The following ITGAM variants were observed in gnomAD, a reference collection of about 807,000 sequenced individuals.
ITGAM encodes integrin subunit alpha M.
A neutral mutation model predicts 137.5 loss-of-function variants in ITGAM; 79 were observed. That is an observed-to-expected ratio of 0.57 (90% confidence interval 0.48 to 0.69). The LOEUF is 0.69. Ranked by LOEUF, ITGAM falls within the 30% of genes least tolerant of loss-of-function variation. The pLI is 0.00. For missense variants in ITGAM, 1,343 were observed against 1,483.5 expected (o/e 0.91, Z 1.56); for synonymous variants, 583 against 592.3 (o/e 0.98, Z 0.23).
Position 31,277,957 on chromosome 16 carries a change from C to T in ITGAM, c.1214-10C>T. The T allele has an allele frequency of 1.3e-6, 2 of 1,582,556 alleles. No individual in the cohort carries two copies. Among genetic ancestry groups the T allele is most frequent in the East Asian group, 4.6e-5 (2 of 43,088 alleles). ...GGAATGCACTTCACCTCTCAGACCC[C>T]CACCTTCAGGTTATGCTGCCGCCAT... On this transcript the variant is annotated splice_polypyrimidine_tract_variant and intron_variant, in intron 11 of 29. Coordinates refer to ENST00000544665, the MANE Select transcript of ITGAM (RefSeq NM_000632.4).
chr16:31,316,323 G>A (rs1430601094), intron 14 of ITGAM, among the ~76,000 whole-genome samples: 1 of 150,452 alleles, frequency 6.6e-6, no homozygotes, highest in East Asian at 2.0e-4. Flanking sequence ...GGAGGAAGAG[G>A]TTGCAGTGAG....
intron 14 of ITGAM, among the ~76,000 whole-genome samples, chr16:31,307,365 C>A (rs1466388480): frequency 6.6e-6 from 1 of 152,118 alleles, no homozygotes; most frequent in Non-Finnish European, 1.5e-5. Flanking sequence ...TCCTTCACAT[C>A]CCTTGTAAGT....
chr16:31,329,683 A>G lies in ITGAM; in HGVS notation c.2869-115A>G. The G allele has an allele frequency of 3.8e-6, 3 of 781,182 alleles. No individual in the cohort carries two copies. The Admixed American group carries it at 7.7e-5, about 20-fold the overall frequency. 48.4% of individuals were successfully genotyped at this position (781,182 alleles called of 1,614,324 possible). ...TTACATGTACACTCTACTCTCTCAA[A>G]CAGGAAGGGGCAGGACGCCCGGGCC... On this transcript the variant is annotated intron_variant, in intron 24 of 29. Transcript: ENST00000544665.
At chr16:31,279,854 G>C (rs1043391065) in intron 12 of ITGAM, among the ~76,000 whole-genome samples, 2 of 152,130 alleles carry the variant, frequency 1.3e-5, no homozygotes, top group East Asian at 3.8e-4. Flanking sequence ...TTTCCTTCTA[G>C]GGTTTTTATG....
chr16:31,301,478 A>G (rs1303868777), intron 14 of ITGAM, among the ~76,000 whole-genome samples: 1 of 152,178 alleles, frequency 6.6e-6, no homozygotes, highest in Non-Finnish European at 1.5e-5. Flanking sequence ...TTTGTCATTT[A>G]TATATATAAT....
intron 23 of ITGAM, 123 bp from the exon 24 acceptor site, chr16:31,329,105 A>AC (rs986310184): frequency 3.9e-4 from 35 of 90,198 alleles, no homozygotes; most frequent in Non-Finnish European, 7.2e-4. Flanking sequence ...CCCCATCTCC[A>AC]CCCCCCAGGA....
rs745364774 is a variant in ITGAM at position 31,270,122 on chromosome 16, C to CTCCT, written c.428-831_428-830insCCTT. Among the ~76,000 whole-genome samples, 3 of 144,188 alleles carry CTCCT rather than the reference C, an allele frequency of 2.1e-5. No individual in the cohort carries two copies. In the South Asian group the frequency reaches 6.7e-4, roughly 32 times the overall value. The allele number at this position is 144,188 out of a possible 152,430, so 94.6% of individuals were successfully genotyped here. On this transcript the variant is annotated intron_variant, in intron 5 of 29. Transcript: ENST00000544665. ...TGGCAAATCCTTCCTTCCTTCCTTC[C>CTCCT]TTCCTTCCTCCTTTGCTTTCCTTTC...
chr16:31,277,148 G>A (rs777213099), intron 11 of ITGAM, 99 bp downstream of exon 11: 2 of 1,036,678 alleles, frequency 1.9e-6, no homozygotes, highest in South Asian at 1.9e-5. Context: ...GGATACATAT[G>A]TATGGGATAC....
chr16:31,306,678 A>G (rs937286988), intron 14 of ITGAM, among the ~76,000 whole-genome samples: 5 of 151,846 alleles, frequency 3.3e-5, no homozygotes, highest in African/African-American at 1.2e-4. Flanking sequence ...TGCCCAGCTA[A>G]TTTTTGTATT....
chr16:31,311,263 C>G (rs2080327164), intron 14 of ITGAM, among the ~76,000 whole-genome samples: 2 of 152,292 alleles, frequency 1.3e-5, no homozygotes, highest in South Asian at 4.1e-4. Flanking sequence ...GCAATGGCAA[C>G]AAAAGCCAAA....
chr16:31,287,739 C>A (rs754999529), intron 12 of ITGAM, among the ~76,000 whole-genome samples: 1 of 152,136 alleles, frequency 6.6e-6, no homozygotes, highest in Non-Finnish European at 1.5e-5. Flanking sequence ...TGTCATAATT[C>A]TTTGCCAATA....
At chr16:31,276,869 G>A in intron 10 of ITGAM, 51 bp from the exon 11 acceptor site, 13 of 1,595,474 alleles carry the variant, frequency 8.1e-6, no homozygotes, top group Non-Finnish European at 1.1e-5. Flanking sequence ...GTGAGGGGCA[G>A]CGGTTGTCCC....
At chr16:31,270,699 G>GTGTGTGTATATA (rs1477833816) in intron 5 of ITGAM, among the ~76,000 whole-genome samples, 3 of 25,994 alleles carry the variant, frequency 1.2e-4, no homozygotes, top group African/African-American at 3.4e-4. Flanking sequence ...GTGTGTGTGT[G>GTGTGTGTATATA]TATATATATA....
At chr16:31,302,431 C>CTTTCTTTTTTCTTTTCTTTTCTTT (rs2080210307) in intron 14 of ITGAM, among the ~76,000 whole-genome samples, 2 of 87,142 alleles carry the variant, frequency 2.3e-5, no homozygotes, top group Non-Finnish European at 4.1e-5. Flanking sequence ...TTTCTTTCTT[C>CTTTCTTTTTTCTTTTCTTTTCTTT]TTTCTTTCTT....
At chr16:31,260,433 C>T (rs896171846) in intron 1 of ITGAM, among the ~76,000 whole-genome samples, 1 of 152,240 alleles carries the variant, frequency 6.6e-6, no homozygotes, top group African/African-American at 2.4e-5. Flanking sequence ...TCCTGGATCC[C>T]CTCTCACCAT....
chr16:31,328,664 TG>T (rs1299800037), intron 23 of ITGAM, among the ~76,000 whole-genome samples: 1 of 148,844 alleles, frequency 6.7e-6, no homozygotes, highest in African/African-American at 2.5e-5. Context: ...TGAGGATATA[TG>T]TGCATTGTGT....
intron 9 of ITGAM, among the ~76,000 whole-genome samples, chr16:31,276,062 A>G (rs1010237626): frequency 1.3e-5 from 2 of 152,182 alleles, no homozygotes; most frequent in African/African-American, 2.4e-5. Context: ...TGCTCAATAA[A>G]TGTTTGTTGA....
chr16:31,279,346 TC>T (rs1439929914), intron 12 of ITGAM, among the ~76,000 whole-genome samples: 3 of 152,216 alleles, frequency 2.0e-5, no homozygotes, highest in Admixed American at 1.3e-4. Flanking sequence ...TAGTTTACAG[TC>T]CCACCAACAG....
Position 31,331,201 on chromosome 16 carries a change from C to G in ITGAM, c.3313C>G (p.Pro1105Ala), listed in dbSNP as rs568433102. The change falls in exon 29 of 30, where the codon CCC becomes GCC. Residue 1105 changes from proline to alanine, a missense_variant. By Grantham distance (27) the Pro-to-Ala change is conservative. Transcript: ENST00000544665. ...AGTGGAGCCGTTCGAGGTCCCCAAC[C>G]CCCTGCCGCTCATCGTGGGCAGCTC... Reference protein sequence around the residue: ...TKVEPFEVPNPLPLIVGSSVG... With the variant: ...TKVEPFEVPNALPLIVGSSVG... 83 of 1,613,346 alleles carry G rather than the reference C, an allele frequency of 5.1e-5. No homozygotes were observed. In the South Asian group the frequency reaches 9.0e-4, roughly 18 times the overall value.
Sources: gnomAD v4.1 joint callset for allele counts (sites outside exome capture counted in the v4.1 genomes callset) on GRCh38, gnomAD v4.1.1 for gene constraint, MANE v1.5 for transcripts, NCBI Gene and HGNC (gene_info 2026-07-23, HGNC 2026-07-21) for gene names.